The following SFMBT2 variants were observed in gnomAD, a reference collection of about 807,000 sequenced individuals.
SFMBT2 encodes the protein scm-like with four MBT domains protein 2.
A neutral mutation model predicts 110.1 loss-of-function variants in SFMBT2; 38 were observed. That is an observed-to-expected ratio of 0.35 (90% CI 0.27 to 0.45). The LOEUF (loss-of-function observed/expected upper bound fraction) is 0.45. Ranked by LOEUF, SFMBT2 falls within the 20% of genes least tolerant of loss-of-function variation. The probability of loss-of-function intolerance (pLI) is 1.00; values close to 1 mark genes in which losing one functional copy is unlikely to be tolerated. For missense variants in SFMBT2, 1,011 were observed against 1,094.9 expected, an observed-to-expected ratio of 0.92 and a Z score of 1.08; for synonymous variants, 425 against 425.4, an observed-to-expected ratio of 1.00 and a Z score of 0.01.
rs573187522 is a variant in SFMBT2 at position 7,161,701 on chromosome 10, T to G, written c.*2069A>C. The G allele has an allele frequency of 3.3e-5, 5 of 152,356 alleles. No homozygotes were observed. The highest frequency in any genetic ancestry group is 1.2e-4 in the African/African-American group (5 of 41,580). 9.4% of individuals were successfully genotyped at this position (152,356 alleles called of 1,614,324 possible). A position where few individuals can be genotyped will look rare whatever the true frequency, so the allele number is the denominator to read the frequency against. On this transcript the variant is annotated 3_prime_UTR_variant, in exon 21 of 21. Coordinates refer to ENST00000397167, the MANE Select transcript of SFMBT2 (RefSeq NM_001387889.1). ...CTAAAACTTGATTCTAGAAATCGAC[T>G]GCAGGGGAGACCAAAACGCCTCATC... is the stretch of plus-strand genomic sequence containing the variant.
rs187620958 is a variant in SFMBT2 at position 7,367,476 on chromosome 10, C to T, written c.436+173G>A. Among the ~76,000 whole-genome samples the T allele has an allele frequency of 1.3e-5, 2 of 152,322 alleles. No individual in the cohort carries two copies. The highest frequency in any genetic ancestry group is 1.9e-4 in the East Asian group (1 of 5,192). ...GCACCAGCTCTGACATCTGAAAATGCACTGATCTCCCTCCAGCTAAGGAAA... is the reference window on the plus strand; with the variant it reads ...GCACCAGCTCTGACATCTGAAAATGTACTGATCTCCCTCCAGCTAAGGAAA... On this transcript the variant is annotated intron_variant, in intron 4 of 20. Transcript: ENST00000397167. This position sits in a 1 kb window ranked among gnomAD's most constrained non-coding sequence, Gnocchi z 6.2.
At chr10:7,179,196 T>C (rs992756268) in intron 16 of SFMBT2, among the ~76,000 whole-genome samples, 10 of 152,132 alleles carry the variant, frequency 6.6e-5, no homozygotes, top group African/African-American at 2.4e-4. Flanking sequence ...AGCTTGACTT[T>C]CCATGTAGTG....
chr10:7,241,864 T>C (rs1397246712), intron 9 of SFMBT2, among the ~76,000 whole-genome samples: 1 of 152,222 alleles, frequency 6.6e-6, no homozygotes, highest in Admixed American at 6.5e-5. Flanking sequence ...AAAATGCTGA[T>C]ATAAATACTT....
At chr10:7,269,405 A>G (rs1841501026) in intron 7 of SFMBT2, among the ~76,000 whole-genome samples, 1 of 152,204 alleles carries the variant, frequency 6.6e-6, no homozygotes, top group East Asian at 1.9e-4. Context: ...CCCCAACGTG[A>G]GCAACCGCAG....
chr10:7,219,620 T>C, intron 11 of SFMBT2: 1 of 283,642 alleles, frequency 3.5e-6, no homozygotes, highest in Non-Finnish European at 5.3e-6. Context: ...AACTATGAAC[T>C]AGGAGAGCTA....
rs117863785 is a variant in SFMBT2 at position 7,323,621 on chromosome 10, G to T, written c.437-37667C>A. Among the ~76,000 whole-genome samples the T allele has an allele frequency of 5.1e-3, 780 of 152,188 alleles. 1 individual carries two copies. The highest frequency in any genetic ancestry group is 0.01 in the Middle Eastern group (3 of 294). Reference sequence around the variant, plus strand: ...GAAGTATGTTGAAATGTTAGAATTTGATAAAGCCCCACAGGTGCTGTGCAG... The same window carrying T: ...GAAGTATGTTGAAATGTTAGAATTTTATAAAGCCCCACAGGTGCTGTGCAG... On this transcript the variant is annotated intron_variant, in intron 4 of 20. Coordinates refer to ENST00000397167, the MANE Select transcript of SFMBT2 (RefSeq NM_001387889.1).
intron 1 of SFMBT2, among the ~76,000 whole-genome samples, chr10:7,384,578 T>C (rs1425674320): frequency 6.6e-6 from 1 of 152,188 alleles, no homozygotes; most frequent in African/African-American, 2.4e-5. Context: ...TGCAATGTAA[T>C]GAGCTTAGTT....
chr10:7,263,212 C>T (rs1333715559), intron 7 of SFMBT2, among the ~76,000 whole-genome samples: 1 of 151,380 alleles, frequency 6.6e-6, no homozygotes, highest in Non-Finnish European at 1.5e-5. Context: ...AATCACCTAC[C>T]ATCAAAACAG....
rs1363924855 is a variant in SFMBT2 at position 7,201,955 on chromosome 10, T to C, written c.1487+525A>G. Among the ~76,000 whole-genome samples the C allele has an allele frequency of 3.9e-5, 6 of 152,336 alleles. No individual in the cohort carries two copies. In the East Asian group the frequency reaches 1.2e-3, roughly 29 times the overall value. On this transcript the variant is annotated intron_variant, in intron 13 of 20. Coordinates refer to ENST00000397167, the MANE Select transcript of SFMBT2 (RefSeq NM_001387889.1). Reference sequence around the variant, plus strand: ...TTCAAATGGAATCTAATTTAATCTTTGTAAGTACCCCCAAATTGTATTTTA... The same window carrying C: ...TTCAAATGGAATCTAATTTAATCTTCGTAAGTACCCCCAAATTGTATTTTA...
intron 16 of SFMBT2, among the ~76,000 whole-genome samples, chr10:7,180,953 G>A (rs950057857): frequency 3.9e-5 from 6 of 152,104 alleles, no homozygotes; most frequent in Non-Finnish European, 5.9e-5. Context: ...CACCACAAGC[G>A]CACAGAAAAG....
At chr10:7,291,641 C>T (rs1842263616) in intron 4 of SFMBT2, among the ~76,000 whole-genome samples, 1 of 152,126 alleles carries the variant, frequency 6.6e-6, no homozygotes, top group African/African-American at 2.4e-5. Flanking sequence ...AAATATGAAA[C>T]AACAGAAACC....
intron 11 of SFMBT2, chr10:7,206,549 G>A (rs1423001097): frequency 1.0e-6 from 1 of 985,448 alleles, no homozygotes; most frequent in Middle Eastern, 5.2e-4. Context: ...TTTGTGGCCT[G>A]TAGACTTTGG....
chr10:7,313,249 T>C (rs570263291), intron 4 of SFMBT2, among the ~76,000 whole-genome samples: 8 of 151,796 alleles, frequency 5.3e-5, no homozygotes, highest in African/African-American at 1.7e-4. Context: ...TTCTCAATTG[T>C]ATTGTTCTAC....
In SFMBT2 at chr10:7,353,958, G is replaced by A. The variant is rs184626622; in HGVS notation, c.436+13691C>T. ...AAAAATTAGCTGGGTGTGGTGGTGC[G>A]TGCGTGTAATCTCAGCTACTTGGGA... On this transcript the variant is annotated intron_variant, in intron 4 of 20. Coordinates refer to ENST00000397167, the MANE Select transcript of SFMBT2 (RefSeq NM_001387889.1). Among the ~76,000 whole-genome samples, 508 of 151,820 alleles carry A rather than the reference G, an allele frequency of 3.3e-3. 4 individuals are homozygous for A. Among genetic ancestry groups the A allele is most frequent in the African/African-American group, 0.012 (477 of 41,394 alleles).
rs569642114 is a variant in SFMBT2, at chr10:7,205,514, A to T, written c.1444+301T>A. On this transcript the variant is annotated intron_variant, in intron 12 of 20. Coordinates refer to ENST00000397167, the MANE Select transcript of SFMBT2 (RefSeq NM_001387889.1). ...GTAACACAATAATATAGTATCTAAC[A>T]TATTTTTTCACATCAAAACAATGAA... 5.9e-5 allele frequency: 39 copies of T among 664,972 alleles called. No individual in the cohort carries two copies. The East Asian group carries it at 2.1e-3, about 36-fold the overall frequency. 41.2% of individuals were successfully genotyped at this position (664,972 alleles called of 1,614,324 possible).
chr10:7,286,321 G>C (rs1792058057), intron 4 of SFMBT2: 1 of 709,392 alleles, frequency 1.4e-6, no homozygotes, highest in African/African-American at 1.9e-5. Flanking sequence ...CTTTCCAGGT[G>C]GGAAAATCAA....
chr10:7,329,303 G>A (rs1175637625), intron 4 of SFMBT2, among the ~76,000 whole-genome samples: 1 of 152,242 alleles, frequency 6.6e-6, no homozygotes, highest in Non-Finnish European at 1.5e-5. Context: ...GGAAGCAGAA[G>A]GAAGAGCCTC....
At chr10:7,227,809 C>A in intron 10 of SFMBT2, 46 bp downstream of exon 10, 1 of 1,548,426 alleles carries the variant, frequency 6.5e-7, no homozygotes, top group Non-Finnish European at 8.9e-7. Flanking sequence ...TTACGGTAGA[C>A]AAAATCTATG....
intron 10 of SFMBT2, among the ~76,000 whole-genome samples, chr10:7,225,166 T>C (rs1400409073): frequency 1.3e-5 from 2 of 152,244 alleles, no homozygotes; most frequent in Non-Finnish European, 2.9e-5. Flanking sequence ...AATGCATTTA[T>C]CCTTCTTAAC....
Sources: gnomAD v4.1 joint callset for allele counts (sites outside exome capture counted in the v4.1 genomes callset) on GRCh38, gnomAD v4.1.1 for gene constraint, Gnocchi (gnomAD v3.1) non-coding constraint, MANE v1.5 for transcripts, NCBI Gene and HGNC (gene_info 2026-07-23, HGNC 2026-07-21) for gene names.